Variants in SGCG observed in about 807,000 individuals in gnomAD.
SGCG encodes the protein gamma-sarcoglycan.
Under a neutral mutation model 29.3 loss-of-function variants are expected in SGCG, and 26 were observed. That is an observed-to-expected ratio of 0.89 (90% CI 0.65 to 1.23). SGCG has a LOEUF of 1.23. Among genes scored for constraint, SGCG ranks in the 50% most tolerant of loss-of-function variants. The probability of loss-of-function intolerance (pLI) is 0.00; values close to 1 mark genes in which losing one functional copy is unlikely to be tolerated. For synonymous variants in SGCG, 145 were observed against 129.7 expected, an observed-to-expected ratio of 1.12 and a Z score of -0.80; for missense variants, 353 against 356.0, an observed-to-expected ratio of 0.99 and a Z score of 0.07.
intron 2 of SGCG, among the ~76,000 whole-genome samples, chr13:23,213,922 G>A (rs1489708732): frequency 6.6e-6 from 1 of 152,172 alleles, no homozygotes; most frequent in African/African-American, 2.4e-5. Context: ...CCTAAGGAAG[G>A]GCAGTGTGGC....
At chr13:23,242,963 C>T (rs1879563337) in intron 3 of SGCG, among the ~76,000 whole-genome samples, 1 of 152,070 alleles carries the variant, frequency 6.6e-6, no homozygotes, top group South Asian at 2.1e-4. Context: ...CTGGACTTCA[C>T]AAAAAACATC....
At chr13:23,256,380 A>T (rs1880177862) in intron 4 of SGCG, among the ~76,000 whole-genome samples, 1 of 152,122 alleles carries the variant, frequency 6.6e-6, no homozygotes, top group South Asian at 2.1e-4. Flanking sequence ...ACTAACATGA[A>T]AAACTTTTTT....
At chr13:23,166,483 C>A in the SGCG span, among the ~76,000 whole-genome samples, 2 of 152,196 alleles carry the variant, frequency 1.3e-5, no homozygotes, top group Non-Finnish European at 2.9e-5. Flanking sequence ...CCTGAGCCAC[C>A]GTGCCCAGCC....
At chr13:23,191,744 C>A (rs1050444727) in intron 1 of SGCG, among the ~76,000 whole-genome samples, 5 of 152,212 alleles carry the variant, frequency 3.3e-5, no homozygotes, top group Non-Finnish European at 7.3e-5. Flanking sequence ...AGATACTAAT[C>A]TTCCTTCCCG....
At chr13:23,320,163 A>G (rs1183015530) in intron 6 of SGCG, among the ~76,000 whole-genome samples, 2 of 152,222 alleles carry the variant, frequency 1.3e-5, no homozygotes, top group Non-Finnish European at 2.9e-5. Context: ...CTAAAAAACA[A>G]GCCTGCCACA....
chr13:23,192,368 ATTTATTTTGTTTTGTTTTAT>A (rs1877306538), intron 1 of SGCG, among the ~76,000 whole-genome samples: 1 of 151,024 alleles, frequency 6.6e-6, no homozygotes, highest in Admixed American at 6.6e-5. Flanking sequence ...ATTTTATTTT[ATTTATTTTGTTTTGTTTTAT>A]TTTATTTTAT....
chr13:23,193,562 G>A (rs1877367055), intron 1 of SGCG, among the ~76,000 whole-genome samples: 2 of 152,124 alleles, frequency 1.3e-5, no homozygotes, highest in African/African-American at 4.8e-5. Context: ...CTTCTGAGAT[G>A]ATCAACTGGG....
chr13:23,320,560 C>A, intron 6 of SGCG, 77 bp from the exon 7 acceptor site: 1 of 1,254,390 alleles, frequency 8.0e-7, no homozygotes, highest in Non-Finnish European at 1.1e-6. Context: ...ATTTCCCATG[C>A]TAAGTTGAGG....
At chr13:23,306,844 T>C (rs574247136) in intron 6 of SGCG, among the ~76,000 whole-genome samples, 154 of 152,368 alleles carry the variant, frequency 1.0e-3, no homozygotes, top group Non-Finnish European at 2.0e-3. Context: ...ATTGAAAGTT[T>C]CATCCAGTAA....
the SGCG span, among the ~76,000 whole-genome samples, chr13:23,164,390 T>C: frequency 2.0e-5 from 3 of 152,196 alleles, no homozygotes; most frequent in Admixed American, 1.3e-4. Context: ...TTTCATTTCA[T>C]GTCACTTTCA....
chr13:23,256,722 G>A (rs1435602135), intron 4 of SGCG, among the ~76,000 whole-genome samples: 1 of 152,108 alleles, frequency 6.6e-6, no homozygotes, highest in Non-Finnish European at 1.5e-5. Context: ...CCTTTTTTAT[G>A]GCTGCATAGT....
At chr13:23,222,437 TGAGA>T (rs10559352) in intron 2 of SGCG, among the ~76,000 whole-genome samples, 117,157 of 151,884 alleles carry the variant, frequency 0.77, 45,372 homozygotes, top group East Asian at 0.92. Flanking sequence ...ATGTATGATG[TGAGA>T]GAGATTATGA....
intron 3 of SGCG, among the ~76,000 whole-genome samples, chr13:23,249,013 C>CA (rs1217199575): frequency 6.6e-5 from 7 of 105,620 alleles, no homozygotes; most frequent in African/African-American, 1.2e-4. Flanking sequence ...AAAAAAAAAA[C>CA]AAACCTCAAT....
At chr13:23,283,848 G>A (rs1304219772) in intron 5 of SGCG, among the ~76,000 whole-genome samples, 9 of 152,124 alleles carry the variant, frequency 5.9e-5, no homozygotes, top group Admixed American at 5.9e-4. Context: ...TATCTGTACA[G>A]GATTTTATTT....
chr13:23,253,017 A>G (rs999325607), intron 4 of SGCG, among the ~76,000 whole-genome samples: 4 of 152,146 alleles, frequency 2.6e-5, no homozygotes, highest in South Asian at 2.1e-4. Context: ...TGCTTCAAAT[A>G]TAGTTTCCAT....
chr13:23,190,069 G>C (rs55920296), intron 1 of SGCG, among the ~76,000 whole-genome samples: 1 of 89,666 alleles, frequency 1.1e-5, no homozygotes, highest in African/African-American at 6.1e-5. Context: ...TAAAATAAAC[G>C]TTTAAGTGTT....
At chr13:23,299,442 ATATATATATATATAT>A (rs1467019052) in intron 6 of SGCG, among the ~76,000 whole-genome samples, 4 of 5,294 alleles carry the variant, frequency 7.6e-4, no homozygotes, top group African/African-American at 2.4e-3. Flanking sequence ...ATATATATAT[ATATATATATATATAT>A]TTTTTTTTTT....
intron 5 of SGCG, among the ~76,000 whole-genome samples, chr13:23,286,161 A>G (rs1881488017): frequency 6.6e-6 from 1 of 152,070 alleles, no homozygotes; most frequent in South Asian, 2.1e-4. Flanking sequence ...TCAAATGAAT[A>G]TTTCACCTCT....
At chr13:23,313,337 G>A (rs914493064) in intron 6 of SGCG, among the ~76,000 whole-genome samples, 3 of 151,864 alleles carry the variant, frequency 2.0e-5, no homozygotes, top group Admixed American at 2.0e-4. Context: ...GCTCATTTTT[G>A]TATTTTAAGT....
Sources: allele counts gnomAD v4.1 joint callset (sites outside exome capture counted in the v4.1 genomes callset), GRCh38; gene constraint gnomAD v4.1.1; transcripts MANE v1.5; gene names NCBI Gene and HGNC (gene_info 2026-07-23, HGNC 2026-07-21).